The following KLHL29 variants were observed in gnomAD, a reference collection of about 807,000 sequenced individuals.
The protein encoded by KLHL29 is kelch like family member 29, also known as kelch-like protein 29.
In KLHL29, 21 loss-of-function variants were observed where a neutral mutation model predicts 80.4. The ratio of observed to expected loss-of-function variants is 0.26; its 90% CI spans 0.19 to 0.38. The LOEUF is 0.38. KLHL29 is among the 10% of genes least tolerant of loss of function. The probability of loss-of-function intolerance (pLI) is 1.00; values close to 1 mark genes in which losing one functional copy is unlikely to be tolerated. For synonymous variants in KLHL29, 511 were observed against 526.8 expected (o/e 0.97, Z 0.41); for missense variants, 867 against 1,223.9 (o/e 0.71, Z 4.35).
chr2:23,639,126 C>G lies in KLHL29; in HGVS notation c.286-13C>G, dbSNP rs1245182388. The G allele has an allele frequency of 1.3e-6, 2 of 1,524,306 alleles. No homozygotes were observed. Among genetic ancestry groups the G allele is most frequent in the South Asian group, 2.5e-5 (2 of 79,598 alleles). The allele number at this position is 1,524,306 out of a possible 1,614,324, so 94.4% of individuals were successfully genotyped here. ...GGCCAGGCTATGCTCACCTCCTCATCTGCTTCCCACAGGCTCCCGGCATCT... is the reference window on the plus strand; with the variant it reads ...GGCCAGGCTATGCTCACCTCCTCATGTGCTTCCCACAGGCTCCCGGCATCT... On this transcript the variant is annotated splice_polypyrimidine_tract_variant and intron_variant, in intron 3 of 13. Transcript: ENST00000486442.
At chr2:23,466,418 A>G (rs563327577) in intron 1 of KLHL29, among the ~76,000 whole-genome samples, 1 of 152,354 alleles carries the variant, frequency 6.6e-6, no homozygotes, top group African/African-American at 2.4e-5. Context: ...GATATGTAGT[A>G]TTTTTATTTG....
intron 13 of KLHL29, among the ~76,000 whole-genome samples, chr2:23,706,140 C>T (rs568584001): frequency 6.6e-6 from 1 of 152,184 alleles, no homozygotes; most frequent in Non-Finnish European, 1.5e-5. Flanking sequence ...AGGAAGGCTG[C>T]GTGTGCCACA....
intron 2 of KLHL29, among the ~76,000 whole-genome samples, chr2:23,556,444 A>C (rs1012955090): frequency 6.6e-6 from 1 of 151,710 alleles, no homozygotes; most frequent in Non-Finnish European, 1.5e-5. Flanking sequence ...TTTGAGACCA[A>C]CCTGGCCAAA....
chr2:23,503,060 T>C lies in KLHL29; in HGVS notation c.-46+27393T>C, dbSNP rs1401237452. Among the ~76,000 whole-genome samples, 1 of 152,184 alleles carries C rather than the reference T, an allele frequency of 6.6e-6. No homozygotes were observed. The highest frequency in any genetic ancestry group is 1.5e-5 in the Non-Finnish European group (1 of 68,022). On this transcript the variant is annotated intron_variant, in intron 2 of 13. Transcript: ENST00000486442. This position sits in a 1 kb window ranked among gnomAD's most constrained non-coding sequence, Gnocchi z 4.0. ...AGGATTTACATCAGGAAAAATAACCTGAGAATAGATGTGTTTTGTTTGAAT... is the reference window on the plus strand; with the variant it reads ...AGGATTTACATCAGGAAAAATAACCCGAGAATAGATGTGTTTTGTTTGAAT...
intron 1 of KLHL29, among the ~76,000 whole-genome samples, chr2:23,403,641 T>C (rs758998094): frequency 6.6e-6 from 1 of 151,294 alleles, no homozygotes; most frequent in African/African-American, 2.4e-5. Context: ...AGTTTGCAAT[T>C]TATTAATAAT....
At chr2:23,572,042 C>T (rs1409067027) in intron 3 of KLHL29, among the ~76,000 whole-genome samples, 2 of 152,178 alleles carry the variant, frequency 1.3e-5, no homozygotes, top group African/African-American at 4.8e-5. Context: ...ATACAGGGAT[C>T]CTGCTATCTG....
chr2:23,445,154 G>T (rs1252085129), intron 1 of KLHL29, among the ~76,000 whole-genome samples: 1 of 152,188 alleles, frequency 6.6e-6, no homozygotes, highest in East Asian at 1.9e-4. Flanking sequence ...AGGGCATTAA[G>T]TGAAGACTTT....
At chr2:23,395,312 C>T (rs967717712) in intron 1 of KLHL29, among the ~76,000 whole-genome samples, 4 of 152,132 alleles carry the variant, frequency 2.6e-5, no homozygotes, top group South Asian at 2.1e-4. Context: ...CTACATTGGC[C>T]GCTGCTGCTA....
chr2:23,402,790 A>G (rs1451011114), intron 1 of KLHL29, among the ~76,000 whole-genome samples: 1 of 152,200 alleles, frequency 6.6e-6, no homozygotes, highest in African/African-American at 2.4e-5. Flanking sequence ...GTTATTTGAG[A>G]GAATAGTTTT....
intron 3 of KLHL29, chr2:23,617,016 A>G (rs1193595486): frequency 1.3e-5 from 2 of 152,240 alleles, no homozygotes; most frequent in Non-Finnish European, 2.9e-5. Flanking sequence ...AGCTGGTGAA[A>G]TAGAAGAATC....
At position 23,415,502 on chromosome 2, in the gene KLHL29, C is replaced by T. The variant is rs1028326638; in HGVS notation, c.-154+29722C>T. ...GAAGTTGGAAAGCTATTATTTGTTC[C>T]CACAAGTTTTGGAGGTTTAGTAGTC... On this transcript the variant is annotated intron_variant, in intron 1 of 13. Coordinates refer to ENST00000486442, the MANE Select transcript of KLHL29 (RefSeq NM_052920.2). Among the ~76,000 whole-genome samples the T allele has an allele frequency of 2.0e-5, 3 of 152,150 alleles. No homozygotes were observed. In the South Asian group the frequency reaches 6.2e-4, roughly 32 times the overall value.
chr2:23,424,122 G>A (rs933826287), intron 1 of KLHL29, among the ~76,000 whole-genome samples: 8 of 152,328 alleles, frequency 5.3e-5, no homozygotes, highest in Middle Eastern at 3.4e-3. Context: ...TCTGAGGAAC[G>A]GTGGGTAGAA....
At chr2:23,598,213 G>A (rs1668476721) in intron 3 of KLHL29, among the ~76,000 whole-genome samples, 1 of 152,132 alleles carries the variant, frequency 6.6e-6, no homozygotes, top group Non-Finnish European at 1.5e-5. Context: ...CACATATTTT[G>A]CATCAAATCC....
chr2:23,523,343 T>C (rs978706450), intron 2 of KLHL29, among the ~76,000 whole-genome samples: 3 of 152,192 alleles, frequency 2.0e-5, no homozygotes, highest in African/African-American at 7.2e-5. Flanking sequence ...GCAAAGGACA[T>C]AAATACTAAA....
At chr2:23,546,464 T>G (rs1401684042) in intron 2 of KLHL29, among the ~76,000 whole-genome samples, 5 of 152,024 alleles carry the variant, frequency 3.3e-5, no homozygotes, top group African/African-American at 4.8e-5. Flanking sequence ...CTATTCCTGT[T>G]GTTTTGGGGC....
intron 3 of KLHL29, among the ~76,000 whole-genome samples, chr2:23,581,513 G>C (rs1192337668): frequency 6.6e-6 from 1 of 152,122 alleles, no homozygotes; most frequent in Admixed American, 6.6e-5. Flanking sequence ...ACCTGGTACT[G>C]CATTGTGCTG....
chr2:23,473,317 C>G (rs534466892), intron 1 of KLHL29, among the ~76,000 whole-genome samples: 2 of 151,970 alleles, frequency 1.3e-5, no homozygotes, highest in Admixed American at 1.3e-4. Flanking sequence ...TCCCAGGGCT[C>G]GCCTGGGAGA....
chr2:23,459,054 A>T (rs7558233), intron 1 of KLHL29, among the ~76,000 whole-genome samples: 23,716 of 152,052 alleles, frequency 0.16, 3,305 homozygotes, highest in African/African-American at 0.36. Flanking sequence ...GCTGGAGGTA[A>T]GAGGTATGTC....
At chr2:23,468,136 A>T (rs899345171) in intron 1 of KLHL29, among the ~76,000 whole-genome samples, 1 of 152,176 alleles carries the variant, frequency 6.6e-6, no homozygotes, top group African/African-American at 2.4e-5. Flanking sequence ...TAGTGGTATC[A>T]TCCCCATTGT....
Sources: allele counts gnomAD v4.1 joint callset (sites outside exome capture counted in the v4.1 genomes callset), GRCh38; gene constraint gnomAD v4.1.1; non-coding constraint Gnocchi (gnomAD v3.1); transcripts MANE v1.5; gene names NCBI Gene and HGNC (gene_info 2026-07-23, HGNC 2026-07-21).